The following FBXL17 variants were observed in gnomAD, a reference collection of about 807,000 sequenced individuals.
The protein encoded by FBXL17 is F-box and leucine rich repeat protein 17.
In FBXL17, 22 loss-of-function variants were observed where a neutral mutation model predicts 66.2. That is an observed-to-expected ratio of 0.33 (90% CI 0.24 to 0.47). The LOEUF (loss-of-function observed/expected upper bound fraction) is 0.47, where lower values mean the gene tolerates loss of function less well. Ranked by LOEUF, FBXL17 falls within the 20% of genes least tolerant of loss-of-function variation. FBXL17 has a pLI of 1.00. For synonymous variants in FBXL17, 474 were observed against 400.5 expected (o/e 1.18, Z -2.19); for missense variants, 878 against 948.2 (o/e 0.93, Z 0.97).
chr5:108,136,764 T>C (rs1188127060), intron 6 of FBXL17, among the ~76,000 whole-genome samples: 1 of 152,184 alleles, frequency 6.6e-6, no homozygotes, highest in East Asian at 1.9e-4. Context: ...TTATAAGGAA[T>C]GTGGTCTAAA....
intron 7 of FBXL17, among the ~76,000 whole-genome samples, chr5:107,934,895 T>C (rs1750848099): frequency 6.6e-6 from 1 of 152,136 alleles, no homozygotes; most frequent in Admixed American, 6.6e-5. Flanking sequence ...ATTAAACATG[T>C]AGGTGACAAT....
chr5:108,083,250 C>G (rs74465184), intron 6 of FBXL17, among the ~76,000 whole-genome samples: 3,846 of 145,652 alleles, frequency 0.026, 169 homozygotes, highest in African/African-American at 0.092. Context: ...CACACACACA[C>G]AGAGAGAGAG....
chr5:108,299,377 A>C (rs1758485791), intron 4 of FBXL17: 1 of 982,946 alleles, frequency 1.0e-6, no homozygotes, highest in African/African-American at 1.7e-5. Context: ...TTTTCAAACT[A>C]CGTTTTCATA....
At chr5:107,979,004 C>G (rs762242710) in intron 7 of FBXL17, among the ~76,000 whole-genome samples, 8 of 152,130 alleles carry the variant, frequency 5.3e-5, no homozygotes, top group Non-Finnish European at 8.8e-5. Flanking sequence ...GAATCATTGT[C>G]AAGTTAACTT....
rs907187121 is a variant in FBXL17, at chr5:108,143,138, C to A, written c.1745+42979G>T. 2.6e-5 allele frequency among the ~76,000 whole-genome samples: 4 copies of A among 151,962 alleles called. No individual in the cohort carries two copies. In the East Asian group the frequency reaches 7.7e-4, roughly 29 times the overall value. ...CATTCTGAAACCAACCGCTCCCCGACCCCGAGTCCACGGAAGAACTGTCTT... is the reference window on the plus strand; with the variant it reads ...CATTCTGAAACCAACCGCTCCCCGAACCCGAGTCCACGGAAGAACTGTCTT... On this transcript the variant is annotated intron_variant, in intron 6 of 8. Transcript: ENST00000542267.
chr5:108,374,724 G>T (rs10056658), intron 1 of FBXL17, among the ~76,000 whole-genome samples: 15 of 151,754 alleles, frequency 9.9e-5, no homozygotes, highest in South Asian at 2.1e-4. Context: ...GGAAAGAGGA[G>T]GGGAAATCAC....
At chr5:108,292,659 G>C (rs1758162861) in intron 4 of FBXL17, among the ~76,000 whole-genome samples, 1 of 152,166 alleles carries the variant, frequency 6.6e-6, no homozygotes, top group African/African-American at 2.4e-5. Flanking sequence ...AGCAATGCTC[G>C]AAGTGTCTTT....
intron 6 of FBXL17, among the ~76,000 whole-genome samples, chr5:108,074,577 T>G (rs552995077): frequency 6.6e-6 from 1 of 152,130 alleles, no homozygotes; most frequent in Admixed American, 6.5e-5. Flanking sequence ...AAAGTACACA[T>G]GAAAGGATCT....
chr5:108,072,337 G>C (rs936747427), intron 6 of FBXL17, among the ~76,000 whole-genome samples: 1 of 152,180 alleles, frequency 6.6e-6, no homozygotes, highest in Non-Finnish European at 1.5e-5. Context: ...AAATGAAATA[G>C]TTATTACCAG....
chr5:107,986,273 T>C, intron 7 of FBXL17, among the ~76,000 whole-genome samples: 1 of 151,946 alleles, frequency 6.6e-6, no homozygotes, highest in Non-Finnish European at 1.5e-5. Flanking sequence ...TAAGAAAACC[T>C]GAAATAAACA....
chr5:108,278,576 A>G (rs924965374), intron 4 of FBXL17, among the ~76,000 whole-genome samples: 4 of 152,184 alleles, frequency 2.6e-5, no homozygotes, highest in Admixed American at 6.5e-5. Flanking sequence ...AGGGGCTCCA[A>G]TGGCCCAGGA....
intron 4 of FBXL17, among the ~76,000 whole-genome samples, chr5:108,315,659 T>G (rs1759329012): frequency 6.6e-6 from 1 of 151,228 alleles, no homozygotes; most frequent in Non-Finnish European, 1.5e-5. Context: ...CAACAAAGCA[T>G]CAACCATATG....
At chr5:107,970,850 C>A (rs987357140) in intron 7 of FBXL17, among the ~76,000 whole-genome samples, 1 of 152,072 alleles carries the variant, frequency 6.6e-6, no homozygotes, top group Non-Finnish European at 1.5e-5. Context: ...AGGTGCTCCC[C>A]GTGTTAGAAA....
chr5:108,117,004 G>A (rs1203342463), intron 6 of FBXL17, among the ~76,000 whole-genome samples: 1 of 152,150 alleles, frequency 6.6e-6, no homozygotes, highest in Non-Finnish European at 1.5e-5. Context: ...TCAAGTGTAT[G>A]AAATGTTTAA....
chr5:108,135,496 C>T (rs1452422189), intron 6 of FBXL17, among the ~76,000 whole-genome samples: 1 of 152,066 alleles, frequency 6.6e-6, no homozygotes, highest in African/African-American at 2.4e-5. Context: ...TTCAGTACTC[C>T]ACTAACATCT....
chr5:108,120,054 A>T (rs1750422826), intron 6 of FBXL17, among the ~76,000 whole-genome samples: 1 of 152,208 alleles, frequency 6.6e-6, no homozygotes, highest in Non-Finnish European at 1.5e-5. Flanking sequence ...GCCTACCTTC[A>T]TTCCCACTCC....
chr5:108,074,440 AT>A lies in FBXL17; in HGVS notation c.1746-53440del, dbSNP rs966338210. On this transcript the variant is annotated intron_variant, in intron 6 of 8. Transcript: ENST00000542267. ...TGGATCCTGTTTTGGGGATTTTTTT[AT>A]TTTTTTAGGTGCCCAAATAACATTT... Among the ~76,000 whole-genome samples the A allele has an allele frequency of 1.1e-3, 150 of 141,414 alleles. 1 individual carries two copies. Among genetic ancestry groups the A allele is most frequent in the African/African-American group, 3.9e-3 (149 of 38,028 alleles). 92.8% of individuals were successfully genotyped at this position (141,414 alleles called of 152,430 possible).
At chr5:107,891,947 A>T (rs888486040) in intron 7 of FBXL17, among the ~76,000 whole-genome samples, 12 of 152,130 alleles carry the variant, frequency 7.9e-5, no homozygotes, top group Non-Finnish European at 1.2e-4. Flanking sequence ...AAAATATCGT[A>T]ACTTGAAAGT....
At chr5:108,278,285 A>G (rs1042887716) in intron 4 of FBXL17, among the ~76,000 whole-genome samples, 1 of 152,186 alleles carries the variant, frequency 6.6e-6, no homozygotes, top group African/African-American at 2.4e-5. Flanking sequence ...CCTGGGTTCC[A>G]CACCCTTTCT....
Sources: allele counts gnomAD v4.1 joint callset (sites outside exome capture counted in the v4.1 genomes callset), GRCh38; gene constraint gnomAD v4.1.1; transcripts MANE v1.5; gene names NCBI Gene and HGNC (gene_info 2026-07-23, HGNC 2026-07-21).